COP1: variants seen among roughly 807,000 people sequenced by gnomAD.
COP1 encodes E3 ubiquitin-protein ligase COP1.
A neutral mutation model predicts 101.3 loss-of-function variants in COP1; 24 were observed. The ratio of observed to expected loss-of-function variants is 0.24; its 90% confidence interval spans 0.17 to 0.33. COP1 has a LOEUF of 0.33. Among genes scored for constraint, COP1 ranks in the 10% least tolerant of loss-of-function variants. The probability of loss-of-function intolerance (pLI) is 1.00; values close to 1 mark genes in which losing one functional copy is unlikely to be tolerated. For missense variants in COP1, 663 were observed against 906.2 expected (o/e 0.73, Z 3.45); for synonymous variants, 347 against 341.9 (o/e 1.01, Z -0.17).
intron 18 of COP1, among the ~76,000 whole-genome samples, chr1:175,980,504 T>C (rs1442127829): frequency 6.6e-6 from 1 of 152,158 alleles, no homozygotes; most frequent in Non-Finnish European, 1.5e-5. Flanking sequence ...ATAGAAAGTA[T>C]TACAGCATAG....
intron 18 of COP1, among the ~76,000 whole-genome samples, chr1:175,949,916 G>C (rs1307532770): frequency 1.3e-5 from 2 of 152,110 alleles, no homozygotes; most frequent in African/African-American, 4.8e-5. Context: ...TGAAACTTCT[G>C]ACTTCTGATG....
At chr1:176,009,130 C>T (rs1156513359) in intron 15 of COP1, among the ~76,000 whole-genome samples, 1 of 152,130 alleles carries the variant, frequency 6.6e-6, no homozygotes, top group Middle Eastern at 3.2e-3. Flanking sequence ...TTGACCCCCA[C>T]CTTTGGCTGT....
chr1:176,152,420 C>A (rs912050176), intron 5 of COP1, among the ~76,000 whole-genome samples: 16 of 151,866 alleles, frequency 1.1e-4, no homozygotes, highest in African/African-American at 3.6e-4. Flanking sequence ...AATGTTATGA[C>A]ATTGTAAATT....
At chr1:176,085,919 TAGAA>T in intron 9 of COP1, 29 bp from the exon 10 acceptor site, 1 of 1,274,238 alleles carries the variant, frequency 7.8e-7, no homozygotes, top group Non-Finnish European at 1.1e-6. Flanking sequence ...ACACAAAACT[TAGAA>T]TAAACAATAC....
At position 176,156,141 on chromosome 1, in the gene COP1, CA is replaced by C. The variant is rs999332264; in HGVS notation, c.762+6727del. ...GTGAGACTTATAACATGGTTTGAAC[CA>C]AAAAAAGGGGAAGTTTAGTAAACTG... On this transcript the variant is annotated intron_variant, in intron 5 of 19. Transcript: ENST00000367669. Among the ~76,000 whole-genome samples, 200 of 151,078 alleles carry C rather than the reference CA, an allele frequency of 1.3e-3. 2 individuals carry two copies. The highest frequency in any genetic ancestry group is 4.5e-3 in the African/African-American group (186 of 41,258).
chr1:176,048,213 T>TA (rs1553238437), intron 11 of COP1, among the ~76,000 whole-genome samples: 2 of 147,350 alleles, frequency 1.4e-5, no homozygotes, highest in African/African-American at 2.5e-5. Context: ...TTTTTTTTTT[T>TA]ACAGAGATGG....
chr1:175,986,002 T>C (rs1435066799), intron 18 of COP1, among the ~76,000 whole-genome samples: 4 of 152,198 alleles, frequency 2.6e-5, no homozygotes, highest in Non-Finnish European at 4.4e-5. Context: ...CTCATGTTTA[T>C]ATAAATCAAG....
chr1:176,081,775 T>C (rs1308932119), intron 10 of COP1, among the ~76,000 whole-genome samples: 1 of 152,132 alleles, frequency 6.6e-6, no homozygotes, highest in Non-Finnish European at 1.5e-5. Context: ...TCAAATAATA[T>C]ACTGAAATGT....
intron 8 of COP1, among the ~76,000 whole-genome samples, chr1:176,125,640 T>C (rs1355737060): frequency 6.6e-6 from 1 of 152,214 alleles, no homozygotes; most frequent in African/African-American, 2.4e-5. Flanking sequence ...TATAGTATAA[T>C]GTAAAATCAG....
chr1:176,187,114 G>C (rs1365233753), intron 1 of COP1, among the ~76,000 whole-genome samples: 1 of 152,006 alleles, frequency 6.6e-6, no homozygotes, highest in Non-Finnish European at 1.5e-5. Context: ...AATAACAAGA[G>C]AATCAAAGAA....
chr1:176,137,880 G>C (rs1231497089), intron 6 of COP1, among the ~76,000 whole-genome samples: 1 of 152,090 alleles, frequency 6.6e-6, no homozygotes, highest in African/African-American at 2.4e-5. Flanking sequence ...TAAGTACTGA[G>C]AAGAACAGGA....
intron 11 of COP1, among the ~76,000 whole-genome samples, chr1:176,075,729 G>A (rs890066022): frequency 6.6e-6 from 1 of 152,116 alleles, no homozygotes; most frequent in Admixed American, 6.5e-5. Context: ...CTCAGGCTGG[G>A]TGCGGTGGCT....
At chr1:176,143,832 C>T (rs1436561046) in intron 6 of COP1, among the ~76,000 whole-genome samples, 1 of 152,114 alleles carries the variant, frequency 6.6e-6, no homozygotes, top group African/African-American at 2.4e-5. Context: ...TAATTATTCA[C>T]ATTAACAGAA....
intron 15 of COP1, among the ~76,000 whole-genome samples, chr1:175,999,678 A>G (rs1661125327): frequency 6.6e-6 from 1 of 151,986 alleles, no homozygotes; most frequent in Admixed American, 6.6e-5. Context: ...TTTTTTAGGA[A>G]TCTCCAAACC....
At chr1:176,051,596 A>G (rs934736112) in intron 11 of COP1, among the ~76,000 whole-genome samples, 1 of 152,048 alleles carries the variant, frequency 6.6e-6, no homozygotes, top group Non-Finnish European at 1.5e-5. Context: ...AAAAACAAAC[A>G]AACTGTAAAG....
chr1:176,085,534 C>A (rs943974989), intron 10 of COP1, among the ~76,000 whole-genome samples: 1 of 152,154 alleles, frequency 6.6e-6, no homozygotes. Flanking sequence ...AGCTGAATTT[C>A]TTTTTAACTT....
intron 5 of COP1, among the ~76,000 whole-genome samples, chr1:176,153,632 CAGG>C (rs1404043889): frequency 6.6e-6 from 1 of 152,138 alleles, no homozygotes; most frequent in Non-Finnish European, 1.5e-5. Context: ...GTTGAATAAA[CAGG>C]AGTAGTGAAA....
chr1:175,968,628 T>C (rs1652601100), intron 18 of COP1: 2 of 411,348 alleles, frequency 4.9e-6, no homozygotes, highest in Admixed American at 2.7e-5. Flanking sequence ...CATTTAAATA[T>C]ACTTCAGGAT....
chr1:176,149,717 C>T (rs1692121450), intron 5 of COP1, among the ~76,000 whole-genome samples: 1 of 152,020 alleles, frequency 6.6e-6, no homozygotes, highest in African/African-American at 2.4e-5. Context: ...TAAGCCTTGA[C>T]ATTTTCTGAG....
Sources: allele counts gnomAD v4.1 joint callset (sites outside exome capture counted in the v4.1 genomes callset), GRCh38; gene constraint gnomAD v4.1.1; transcripts MANE v1.5; gene names NCBI Gene and HGNC (gene_info 2026-07-23, HGNC 2026-07-21).